The following BIRC6 variants were observed in gnomAD, a reference collection of about 807,000 sequenced individuals.
BIRC6 encodes baculoviral IAP repeat containing 6.
Under a neutral mutation model 503.3 loss-of-function variants are expected in BIRC6, and 98 were observed. The observed-to-expected ratio is 0.19, with a 90% CI of 0.17 to 0.23. The LOEUF is 0.23. Among genes scored for constraint, BIRC6 ranks in the 10% least tolerant of loss-of-function variants. The probability of loss-of-function intolerance (pLI) is 1.00; values close to 1 mark genes in which losing one functional copy is unlikely to be tolerated. For missense variants in BIRC6, 5,360 were observed against 5,806.0 expected, an observed-to-expected ratio of 0.92 and a Z score of 2.50; for synonymous variants, 2,240 against 2,078.7, an observed-to-expected ratio of 1.08 and a Z score of -2.11.
At chr2:32,400,421 C>T (rs1486650327) in intron 6 of BIRC6, among the ~76,000 whole-genome samples, 1 of 150,748 alleles carries the variant, frequency 6.6e-6, no homozygotes, top group African/African-American at 2.4e-5. Flanking sequence ...TCACTGCAGC[C>T]TCCGCCTCCT....
At chr2:32,369,944 AAATATATATATATATATAT>A (rs1432249870) in intron 1 of BIRC6, among the ~76,000 whole-genome samples, 5 of 25,758 alleles carry the variant, frequency 1.9e-4, no homozygotes, top group African/African-American at 1.3e-3. Context: ...AAAAAAAAAA[AAATATATATATATATATAT>A]ATATATATAT....
chr2:32,493,750 G>T (rs1448834523), intron 45 of BIRC6, 83 bp downstream of exon 45: 3 of 1,150,172 alleles, frequency 2.6e-6, no homozygotes, highest in Admixed American at 2.3e-5. Flanking sequence ...CATTTGTTGG[G>T]AATTTATCTG....
In BIRC6 at chr2:32,535,841, G is replaced by A. The variant is rs543068365; in HGVS notation, c.12291+4290G>A. On this transcript the variant is annotated intron_variant, in intron 61 of 73. Coordinates refer to ENST00000421745, the MANE Select transcript of BIRC6 (RefSeq NM_016252.4). Reference sequence around the variant, plus strand: ...TACCCAGTAATGGGATGGCTGGGTCGAATGGTATTTCTAGTTCTAGATCCC... The same window carrying A: ...TACCCAGTAATGGGATGGCTGGGTCAAATGGTATTTCTAGTTCTAGATCCC... 1.6e-3 allele frequency among the ~76,000 whole-genome samples: 249 copies of A among 152,238 alleles called. 2 individuals are homozygous for A. Among genetic ancestry groups the A allele is most frequent in the Middle Eastern group, 3.4e-3 (1 of 294 alleles).
intron 10 of BIRC6, among the ~76,000 whole-genome samples, chr2:32,424,398 A>G (rs1039718269): frequency 6.6e-6 from 1 of 152,030 alleles, no homozygotes; most frequent in Non-Finnish European, 1.5e-5. Context: ...CATTTTGGCT[A>G]TTGTGAATAA....
chr2:32,440,552 G>C (rs749381826), intron 16 of BIRC6, among the ~76,000 whole-genome samples: 6 of 151,856 alleles, frequency 4.0e-5, no homozygotes, highest in Non-Finnish European at 5.9e-5. Flanking sequence ...GTAATACCAG[G>C]CATTTTACAT....
intron 17 of BIRC6, 100 bp downstream of exon 17, chr2:32,441,562 A>T (rs2045437725): frequency 4.4e-6 from 5 of 1,137,596 alleles, no homozygotes; most frequent in South Asian, 4.1e-5. Context: ...TTACCTGAAA[A>T]TTTTTTTTGT....
intron 70 of BIRC6, among the ~76,000 whole-genome samples, chr2:32,600,852 G>A (rs2062008446): frequency 6.6e-6 from 1 of 152,076 alleles, no homozygotes; most frequent in Non-Finnish European, 1.5e-5. Flanking sequence ...ATAGGTATGA[G>A]GCTACATATC....
rs532198289 is a variant in BIRC6, at chr2:32,479,687, G to A, written c.7408+70G>A. The stretch of plus-strand genomic sequence containing the variant: ...ACATGTTTCAAAATAAAGAATGTTA[G>A]AGAAAAATAAAGTTGATTTTTATAT... On this transcript the variant is annotated intron_variant, in intron 37 of 73. Coordinates refer to ENST00000421745, the MANE Select transcript of BIRC6 (RefSeq NM_016252.4). The A allele has an allele frequency of 2.6e-5, 35 of 1,328,726 alleles. No homozygotes were observed. The East Asian group carries it at 8.4e-4, about 32-fold the overall frequency. The allele number at this position is 1,328,726 out of a possible 1,614,324, so 82.3% of individuals were successfully genotyped here. A position where few individuals can be genotyped will look rare whatever the true frequency, so the allele number is the denominator to read the frequency against.
At chr2:32,497,895 C>T (rs1227017380) in intron 45 of BIRC6, among the ~76,000 whole-genome samples, 1 of 152,030 alleles carries the variant, frequency 6.6e-6, no homozygotes, top group Non-Finnish European at 1.5e-5. Context: ...ATATAGACTA[C>T]ATACATTTAA....
chr2:32,593,707 A>G (rs1195555787), intron 66 of BIRC6, among the ~76,000 whole-genome samples: 1 of 152,194 alleles, frequency 6.6e-6, no homozygotes, highest in Non-Finnish European at 1.5e-5. Context: ...TATGACATTT[A>G]TATAATGTCT....
intron 73 of BIRC6, 32 bp from the exon 74 acceptor site, chr2:32,617,693 A>G: frequency 6.3e-7 from 1 of 1,597,860 alleles, no homozygotes; most frequent in Non-Finnish European, 8.6e-7. Context: ...GAGGGTTTGC[A>G]GTTCTAACAT....
chr2:32,503,807 CAG>C (rs2053477052), intron 49 of BIRC6, among the ~76,000 whole-genome samples: 2 of 152,100 alleles, frequency 1.3e-5, no homozygotes, highest in Admixed American at 6.5e-5. Context: ...AGAAACTAAA[CAG>C]AGATTCTTCC....
chr2:32,394,846 T>C (rs917561432), intron 5 of BIRC6, among the ~76,000 whole-genome samples: 1 of 152,072 alleles, frequency 6.6e-6, no homozygotes, highest in Non-Finnish European at 1.5e-5. Context: ...AAAGAGACTC[T>C]GTCTCTTTAA....
chr2:32,369,770 A>G lies in BIRC6; in HGVS notation c.326-7818A>G, dbSNP rs111487817. 7.6e-3 allele frequency among the ~76,000 whole-genome samples: 1,152 copies of G among 150,742 alleles called. 12 individuals carry two copies. Among genetic ancestry groups the G allele is most frequent in the Middle Eastern group, 0.017 (5 of 294 alleles). On this transcript the variant is annotated intron_variant, in intron 1 of 73. Transcript: ENST00000421745. ...GTTAAGGGTTCTCTTGCCCAACATC[A>G]GTTGGGGAAGTTAGTCTTCAAATTT...
chr2:32,462,273 T>C (rs2048076797), intron 23 of BIRC6, among the ~76,000 whole-genome samples: 1 of 152,252 alleles, frequency 6.6e-6, no homozygotes, highest in African/African-American at 2.4e-5. Context: ...TGTTTTGTGC[T>C]GACATATTGG....
intron 9 of BIRC6, among the ~76,000 whole-genome samples, chr2:32,411,450 C>G (rs1350813797): frequency 7.9e-6 from 1 of 126,776 alleles, no homozygotes; most frequent in Non-Finnish European, 1.7e-5. Flanking sequence ...TTTAAATTTT[C>G]TATTTTTTGT....
chr2:32,530,084 CATTTT>C (rs1276848106), intron 60 of BIRC6, among the ~76,000 whole-genome samples: 1 of 152,070 alleles, frequency 6.6e-6, no homozygotes, highest in Non-Finnish European at 1.5e-5. Flanking sequence ...TGTGAATTGT[CATTTT>C]ATAATAAAAG....
intron 65 of BIRC6, chr2:32,558,828 A>G (rs2058961343): frequency 6.6e-6 from 1 of 152,218 alleles, no homozygotes; most frequent in Non-Finnish European, 1.5e-5. Flanking sequence ...GCTGTTAGTA[A>G]TCTGTGGTAA....
intron 54 of BIRC6, among the ~76,000 whole-genome samples, 158 bp from the exon 55 acceptor site, chr2:32,514,826 CTATATA>C (rs150268324): frequency 4.0e-5 from 6 of 148,802 alleles, no homozygotes; most frequent in African/African-American, 1.5e-4. Context: ...ATATGTGTGT[CTATATA>C]TATATATATG....
Sources: allele counts gnomAD v4.1 joint callset (sites outside exome capture counted in the v4.1 genomes callset), GRCh38; gene constraint gnomAD v4.1.1; transcripts MANE v1.5; gene names NCBI Gene and HGNC (gene_info 2026-07-23, HGNC 2026-07-21).